NRAP: variants seen among roughly 807,000 people sequenced by gnomAD.
NRAP encodes the protein nebulin-related-anchoring protein.
A neutral mutation model predicts 225.9 loss-of-function variants in NRAP; 189 were observed. The ratio of observed to expected loss-of-function variants is 0.84; its 90% CI spans 0.74 to 0.94. The LOEUF is 0.94. Ranked by LOEUF, NRAP falls within the 40% of genes least tolerant of loss-of-function variation. NRAP has a pLI of 0.00. For synonymous variants in NRAP, 769 were observed against 790.7 expected, an observed-to-expected ratio of 0.97 and a Z score of 0.46; for missense variants, 2,176 against 2,168.7, an observed-to-expected ratio of 1.00 and a Z score of -0.07.
Position 113,623,599 on chromosome 10 carries a change from T to C in NRAP, c.2387A>G (p.Lys796Arg). ...GGAATCAAGACGCAGCTCAAACCCT[T>C]TTGCTTTCTGGTTTTCCCAGCTGCT... ...YKSSWENQKA[K>R]GFELRLDSLT... Residue 796 changes from lysine (K) to arginine (R), a missense_variant, in exon 23 of 42, where the codon AAA becomes AGA. This residue lies in a region of NRAP where 1,708 missense variants were observed against 1,695.5 expected (regional missense o/e 1.01). Transcript: ENST00000359988. The C allele has an allele frequency of 6.2e-7, 1 of 1,614,024 alleles. No individual in the cohort carries two copies. Among genetic ancestry groups the C allele is most frequent in the Non-Finnish European group, 8.5e-7 (1 of 1,179,924 alleles).
In NRAP at chr10:113,589,696, G is replaced by A. The variant is rs550969861; in HGVS notation, c.5058C>T (p.Asn1686=). 1.5e-5 allele frequency: 24 copies of A among 1,614,072 alleles called. No individual in the cohort carries two copies. The highest frequency in any genetic ancestry group is 9.9e-5 in the South Asian group (9 of 91,072). ...EMARRAAELA[N]ARGLGLQGAY... is the part of the protein sequence containing the mutation. Reference sequence around the variant, plus strand: ...CTCCCTGGAGACCCAGGCCCCTTGCGTTGGCCAGTTCCGCAGCCCGCCGAG... The same window carrying A: ...CTCCCTGGAGACCCAGGCCCCTTGCATTGGCCAGTTCCGCAGCCCGCCGAG... Residue 1686 remains asparagine, a synonymous_variant, in exon 41 of 42, where the codon AAC becomes AAT. Coordinates refer to ENST00000359988, the MANE Select transcript of NRAP (RefSeq NM_198060.4).
At chr10:113,629,516 G>T in intron 19 of NRAP, 72 bp downstream of exon 19, 1 of 1,093,374 alleles carries the variant, frequency 9.1e-7, no homozygotes, top group Non-Finnish European at 1.4e-6. Context: ...TCGTGCACAG[G>T]TTTGAAATCA....
chr10:113,657,992 C>T (rs1850414083), intron 3 of NRAP, among the ~76,000 whole-genome samples: 1 of 152,170 alleles, frequency 6.6e-6, no homozygotes, highest in East Asian at 1.9e-4. Context: ...ACAATTTTAC[C>T]TTTAACATCC....
intron 14 of NRAP, among the ~76,000 whole-genome samples, chr10:113,634,969 C>T (rs1322531560): frequency 2.0e-5 from 3 of 152,126 alleles, no homozygotes; most frequent in African/African-American, 7.2e-5. Context: ...TCCACCTTGC[C>T]AGAGTCCCCA....
chr10:113,589,117 TCCCCCA>T (rs746697391), intron 41 of NRAP, 38 bp from the exon 42 acceptor site: 13 of 1,562,690 alleles, frequency 8.3e-6, no homozygotes, highest in Non-Finnish European at 1.1e-5. Context: ...AAAATGAAGC[TCCCCCA>T]CCCCCACTCC....
At chr10:113,597,856 G>C (rs1846371357) in intron 36 of NRAP, 113 bp downstream of exon 36, 2 of 772,774 alleles carry the variant, frequency 2.6e-6, no homozygotes, top group African/African-American at 3.4e-5. Flanking sequence ...AAAATACTGG[G>C]AGTCCAGTGG....
At chr10:113,634,039 G>T in intron 15 of NRAP, 73 bp downstream of exon 15, 1 of 905,856 alleles carries the variant, frequency 1.1e-6, no homozygotes, top group Non-Finnish European at 1.8e-6. Flanking sequence ...ATCCTTGGAG[G>T]TCAGATGTCC....
chr10:113,664,021 A>C lies in NRAP; in HGVS notation c.-139T>G, dbSNP rs1850865139. On this transcript the variant is annotated 5_prime_UTR_variant, in exon 1 of 42. Coordinates refer to ENST00000359988, the MANE Select transcript of NRAP (RefSeq NM_198060.4). ...CTCGATCTTTCAGAATCCAACTTCC[A>C]CTTTCCTTTGCTGACCTTCTAGTTT... 1.5e-6 allele frequency: 1 copy of C among 668,588 alleles called. No individual in the cohort carries two copies. Among genetic ancestry groups the C allele is most frequent in the East Asian group, 2.7e-5 (1 of 36,380 alleles). The allele number at this position is 668,588 out of a possible 1,614,324, so 41.4% of individuals were successfully genotyped here.
intron 25 of NRAP, among the ~76,000 whole-genome samples, chr10:113,618,294 C>T (rs1444880833): frequency 1.3e-5 from 2 of 152,152 alleles, no homozygotes; most frequent in African/African-American, 4.8e-5. Context: ...TCAATGAGAT[C>T]ATAGAGTTTA....
chr10:113,648,467 C>A (rs11598055), intron 9 of NRAP, among the ~76,000 whole-genome samples: 2,589 of 87,318 alleles, frequency 0.03, 92 homozygotes, highest in African/African-American at 0.076. Context: ...CTCTCTCTCT[C>A]TATATATATA....
chr10:113,648,442 T>TCTCTCTCTCC (rs1369569190), intron 9 of NRAP, among the ~76,000 whole-genome samples: 22 of 103,692 alleles, frequency 2.1e-4, no homozygotes, highest in South Asian at 1.3e-3. Context: ...TTAGTTTCTC[T>TCTCTCTCTCC]CTCTCTCTCT....
At chr10:113,591,252 C>G (rs1023740571) in intron 39 of NRAP, among the ~76,000 whole-genome samples, 1 of 152,232 alleles carries the variant, frequency 6.6e-6, no homozygotes, top group Non-Finnish European at 1.5e-5. Context: ...TGTGCCCATT[C>G]TCACATAGGC....
chr10:113,589,985 T>TGAG (rs1845860457), intron 40 of NRAP, among the ~76,000 whole-genome samples, 188 bp from the exon 41 acceptor site: 2 of 152,234 alleles, frequency 1.3e-5, no homozygotes, highest in African/African-American at 4.8e-5. Flanking sequence ...CAATGTGCTG[T>TGAG]GAGTCCAGCC....
Position 113,595,625 on chromosome 10 carries a change from C to T in NRAP, c.4534G>A (p.Asp1512Asn), listed in dbSNP as rs915813619. 1.3e-6 allele frequency: 2 copies of T among 1,598,668 alleles called. No homozygotes were observed. The highest frequency in any genetic ancestry group is 1.7e-6 in the Non-Finnish European group (2 of 1,165,898). Residue 1512 changes from aspartate (D) to asparagine (N), a missense_variant and splice_region_variant, in exon 38 of 42, where the codon GAC (aspartate) becomes AAC (asparagine). Coordinates refer to ENST00000359988, the MANE Select transcript of NRAP (RefSeq NM_198060.4). Reference sequence around the variant, plus strand: ...CCATGAACCACCAGTTCACTTACGTCACTCAGATGCAGCGCATTGAGGCGA... The same window carrying T: ...CCATGAACCACCAGTTCACTTACGTTACTCAGATGCAGCGCATTGAGGCGA... ...RARLNALHLS[D>N]KVYRNSWEQT...
rs140735566 is a variant in NRAP, at chr10:113,592,107, A to G, written c.4644+87T>C. 469 of 662,360 alleles carry G rather than the reference A, an allele frequency of 7.1e-4. 2 individuals carry two copies. The African/African-American group carries it at 7.3e-3, about 10-fold the overall frequency. 41.0% of individuals were successfully genotyped at this position (662,360 alleles called of 1,614,324 possible). On this transcript the variant is annotated intron_variant, in intron 39 of 41. Coordinates refer to ENST00000359988, the MANE Select transcript of NRAP (RefSeq NM_198060.4). ...GTGCAGAGAGAGAGATAATCTTGAC[A>G]GGTCCTGGTGGTTTGCCTTTCAACA...
rs12243176 is a variant in NRAP, at chr10:113,610,495, A to G, written c.3567T>C (p.Ile1189=). 0.47 allele frequency: 748,503 copies of G among 1,582,230 alleles called. 181,070 individuals carry two copies. Among genetic ancestry groups the G allele is most frequent in the East Asian group, 0.61 (27,265 of 44,654 alleles). Residue 1189 remains isoleucine (I), a synonymous_variant, in exon 31 of 42, where the codon ATT becomes ATC. Coordinates refer to ENST00000359988, the MANE Select transcript of NRAP (RefSeq NM_198060.4). ...VACVIPGTLE[I]EGRKKASELI... is the part of the protein sequence containing the mutation. The stretch of plus-strand genomic sequence containing the variant: ...GTTCCGATGCTTTCTTCCTCCCTTC[A>G]ATCTCTAACGTGCCTGGAATGACAC...
intron 14 of NRAP, among the ~76,000 whole-genome samples, chr10:113,639,778 T>C (rs1342699391): frequency 6.6e-6 from 1 of 152,218 alleles, no homozygotes; most frequent in Admixed American, 6.5e-5. Context: ...TACTTTTCCA[T>C]GTGCTCCTGA....
At position 113,663,419 on chromosome 10, in the gene NRAP, C is replaced by A; in HGVS notation, c.100G>T (p.Glu34Ter). The A allele has an allele frequency of 6.2e-7, 1 of 1,612,112 alleles. No individual in the cohort carries two copies. The highest frequency in any genetic ancestry group is 8.5e-7 in the Non-Finnish European group (1 of 1,178,226). ...QIWHKACFHC[E>*]VCKMMLSVNN... ...ACAGACAGCATCATCTTGCAAACTT[C>A]ACAGTGAAAACAGGCTTTATGCCAT... Residue 34 changes from glutamate to a stop codon, truncating the protein, a stop_gained, in exon 2 of 42, where the codon GAA (glutamate) becomes TAA (stop). Transcript: ENST00000359988. LOFTEE classifies it high-confidence loss of function.
rs77988225 is a variant in NRAP, at chr10:113,641,695, T to C, written c.1216-223A>G. ...AGTAAGACAGGAAGACAAGGAAACA[T>C]GGGATCAGATGAGCATAGACAGCAC... On this transcript the variant is annotated intron_variant, in intron 12 of 41. Coordinates refer to ENST00000359988, the MANE Select transcript of NRAP (RefSeq NM_198060.4). 1.3e-3 allele frequency among the ~76,000 whole-genome samples: 195 copies of C among 152,226 alleles called. 1 individual carries two copies. Among genetic ancestry groups the C allele is most frequent in the African/African-American group, 4.5e-3 (187 of 41,532 alleles).
Sources: gnomAD v4.1 joint callset for allele counts (sites outside exome capture counted in the v4.1 genomes callset) on GRCh38, gnomAD v4.1.1 for gene constraint, gnomAD v4.1.1 regional missense constraint, MANE v1.5 for transcripts, NCBI Gene and HGNC (gene_info 2026-07-23, HGNC 2026-07-21) for gene names.